Variants in PCDHGB6 observed in about 807,000 individuals in gnomAD.
PCDHGB6 encodes the protein protocadherin gamma-B6.
A neutral mutation model predicts 59.1 loss-of-function variants in PCDHGB6; 51 were observed. The ratio of observed to expected loss-of-function variants is 0.86; its 90% CI spans 0.69 to 1.09. The LOEUF is 1.09. Ranked by LOEUF, PCDHGB6 falls within the 50% of genes least tolerant of loss-of-function variation. The probability of loss-of-function intolerance (pLI) is 0.00; values close to 1 mark genes in which losing one functional copy is unlikely to be tolerated. For missense variants in PCDHGB6, 1,148 were observed against 1,205.1 expected (o/e 0.95, Z 0.70); for synonymous variants, 466 against 495.1 (o/e 0.94, Z 0.78).
In PCDHGB6 at chr5:141,476,089, C is replaced by A; in HGVS notation, c.2419-18718C>A. 1 of 1,560,716 alleles carries A rather than the reference C, an allele frequency of 6.4e-7. No individual in the cohort carries two copies. The highest frequency in any genetic ancestry group is 8.6e-7 in the Non-Finnish European group (1 of 1,158,372). On this transcript the variant is annotated intron_variant, in intron 1 of 3. Coordinates refer to ENST00000520790, the MANE Select transcript of PCDHGB6 (RefSeq NM_018926.3). This position sits in a 1 kb window ranked among gnomAD's most constrained non-coding sequence, Gnocchi z 7.6. ...CGAAATCTCAGGGACGATCTGGACC[C>A]CGCTGAGAGGAACTGCTTTTGAGTG...
Position 141,490,972 on chromosome 5 carries a change from C to G in PCDHGB6, c.2419-3835C>G. 6.2e-7 allele frequency: 1 copy of G among 1,613,912 alleles called. No homozygotes were observed. Among genetic ancestry groups the G allele is most frequent in the Non-Finnish European group, 8.5e-7 (1 of 1,179,922 alleles). Reference sequence around the variant, plus strand: ...AGACTGGGAACACTCAGCCCCCCAGCGTCTCCCTCGCTCTGCTCCTCCTGG... The same window carrying G: ...AGACTGGGAACACTCAGCCCCCCAGGGTCTCCCTCGCTCTGCTCCTCCTGG... On this transcript the variant is annotated intron_variant, in intron 1 of 3. Coordinates refer to ENST00000520790, the MANE Select transcript of PCDHGB6 (RefSeq NM_018926.3). The surrounding 1 kb of genome is among the most constrained non-coding windows in gnomAD (Gnocchi z 5.4).
intron 1 of PCDHGB6, chr5:141,422,970 C>T (rs1348343583): frequency 1.2e-6 from 2 of 1,614,246 alleles, no homozygotes; most frequent in East Asian, 2.2e-5. Flanking sequence ...TGGCGCCCCG[C>T]TCTGCGGAAC....
In PCDHGB6 at chr5:141,431,317, C is replaced by G; in HGVS notation, c.2418+20697C>G. 2 of 1,614,082 alleles carry G rather than the reference C, an allele frequency of 1.2e-6. No homozygotes were observed. The highest frequency in any genetic ancestry group is 1.7e-6 in the Non-Finnish European group (2 of 1,180,038). On this transcript the variant is annotated intron_variant, in intron 1 of 3. Transcript: ENST00000520790. The surrounding 1 kb of genome is among the most constrained non-coding windows in gnomAD (Gnocchi z 4.8). ...TCTCCCTCATCGTGCAAAATGGAGC[C>G]GACGGTAGTAAGTACCCCGAATTGG...
In PCDHGB6 at chr5:141,410,254, C is replaced by T; in HGVS notation, c.2052C>T (p.Pro684=). The change falls in exon 1 of 4, where the codon CCC becomes CCT. Residue 684 remains proline (P), a synonymous_variant. Coordinates refer to ENST00000520790, the MANE Select transcript of PCDHGB6 (RefSeq NM_018926.3). ...DLSDRPVLSD[P]QAELQFYLVV... is the part of the protein sequence containing the mutation. ...GCGACCGCCCTGTACTCTCTGACCCCCAGGCTGAACTGCAGTTTTACCTGG... is the reference window on the plus strand; with the variant it reads ...GCGACCGCCCTGTACTCTCTGACCCTCAGGCTGAACTGCAGTTTTACCTGG... 5 of 1,614,020 alleles carry T rather than the reference C, an allele frequency of 3.1e-6. No homozygotes were observed. Among genetic ancestry groups the T allele is most frequent in the Non-Finnish European group, 3.4e-6 (4 of 1,179,904 alleles).
rs2099884413 is a variant in PCDHGB6, at chr5:141,512,781, G to A, written c.*1608G>A. ...CCTTGATCTGCCCGCGGCGGCCCGT[G>A]TTGTGTTTTGTGCTGTGTCCACGCG... is the stretch of plus-strand genomic sequence containing the variant. On this transcript the variant is annotated 3_prime_UTR_variant, in exon 4 of 4. Transcript: ENST00000520790. 1 of 152,534 alleles carries A rather than the reference G, an allele frequency of 6.6e-6. No individual in the cohort carries two copies. Among genetic ancestry groups the A allele is most frequent in the African/African-American group, 2.4e-5 (1 of 41,444 alleles). 9.4% of individuals were successfully genotyped at this position (152,534 alleles called of 1,614,324 possible). A position where few individuals can be genotyped will look rare whatever the true frequency, so the allele number is the denominator to read the frequency against.
chr5:141,458,386 G>T (rs1037969327), intron 1 of PCDHGB6, among the ~76,000 whole-genome samples: 2 of 152,070 alleles, frequency 1.3e-5, no homozygotes, highest in African/African-American at 2.4e-5. Flanking sequence ...GAAGGAAGAC[G>T]CTCCCCCTTG....
intron 1 of PCDHGB6, among the ~76,000 whole-genome samples, chr5:141,472,742 T>C (rs926507203): frequency 2.0e-5 from 3 of 151,762 alleles, no homozygotes; most frequent in Non-Finnish European, 4.4e-5. Flanking sequence ...TCCCAGCACT[T>C]TGGGAGGCGG....
At chr5:141,418,115 G>C in intron 1 of PCDHGB6, 1 of 1,614,098 alleles carries the variant, frequency 6.2e-7, no homozygotes, top group South Asian at 1.1e-5. Context: ...GGACTTACTT[G>C]TGAAGGACCG....
Position 141,409,769 on chromosome 5 carries a change from G to T in PCDHGB6, c.1567G>T (p.Glu523Ter), listed in dbSNP as rs1413636372. 3 of 1,612,776 alleles carry T rather than the reference G, an allele frequency of 1.9e-6. No homozygotes were observed. Among genetic ancestry groups the T allele is most frequent in the Middle Eastern group, 1.7e-4 (1 of 6,034 alleles). ...VVFAQRAFDH[E>*]QLRAFALTLQ... ...GTTCGCGCAGCGCGCCTTTGATCAC[G>T]AGCAGCTGCGCGCCTTCGCGCTCAC... Residue 523 changes from glutamate (E) to a stop codon, truncating the protein, a stop_gained, in exon 1 of 4, where the codon GAG becomes TAG. Transcript: ENST00000520790. LOFTEE classifies it high-confidence loss of function.
At chr5:141,509,169 T>C (rs1321257504) in intron 3 of PCDHGB6, among the ~76,000 whole-genome samples, 2 of 152,174 alleles carry the variant, frequency 1.3e-5, no homozygotes, top group African/African-American at 4.8e-5. Context: ...TGTGCCCTCC[T>C]CCTCTTATGC....
chr5:141,424,391 C>T (rs2096818270), intron 1 of PCDHGB6: 1 of 152,106 alleles, frequency 6.6e-6, no homozygotes, highest in South Asian at 2.1e-4. Flanking sequence ...GATGTCTTTT[C>T]CATTACTATG....
chr5:141,470,035 G>A lies in PCDHGB6; in HGVS notation c.2419-24772G>A, dbSNP rs761812438. ...TCCCAGCTACTCGGGATGCTGAGGC[G>A]CGAGAACTGTTTGAACCCCGGAGGC... On this transcript the variant is annotated intron_variant, in intron 1 of 3. Transcript: ENST00000520790. Among the ~76,000 whole-genome samples, 97 of 152,224 alleles carry A rather than the reference G, an allele frequency of 6.4e-4. 2 individuals carry two copies. Among genetic ancestry groups the A allele is most frequent in the East Asian group, 1.2e-3 (6 of 5,170 alleles).
intron 1 of PCDHGB6, among the ~76,000 whole-genome samples, chr5:141,455,243 A>G (rs945218710): frequency 1.3e-5 from 2 of 152,146 alleles, no homozygotes; most frequent in Non-Finnish European, 2.9e-5. Flanking sequence ...GTTAAAGGTC[A>G]TAGTACAATC....
chr5:141,505,676 C>A (rs1308943385), intron 3 of PCDHGB6, among the ~76,000 whole-genome samples, 195 bp downstream of exon 3: 1 of 152,060 alleles, frequency 6.6e-6, no homozygotes, highest in South Asian at 2.1e-4. Context: ...GGTTGGGGGT[C>A]CTGGGATGCC....
chr5:141,414,498 C>CT (rs748856262), intron 1 of PCDHGB6: 40 of 1,613,848 alleles, frequency 2.5e-5, no homozygotes, highest in Non-Finnish European at 3.3e-5. Context: ...CGGAAGCTCA[C>CT]TTTATGCTAC....
Position 141,447,812 on chromosome 5 carries a change from G to A in PCDHGB6, c.2418+37192G>A, listed in dbSNP as rs557330895. 5.4e-4 allele frequency among the ~76,000 whole-genome samples: 82 copies of A among 152,254 alleles called. 1 individual carries two copies. The highest frequency in any genetic ancestry group is 1.3e-3 in the Admixed American group (20 of 15,294). On this transcript the variant is annotated intron_variant, in intron 1 of 3. Coordinates refer to ENST00000520790, the MANE Select transcript of PCDHGB6 (RefSeq NM_018926.3). ...TTTAAGAAAATAAAATTGGCTGGGC[G>A]TGGTGGCTCACGCCTGTAATCCCAG...
chr5:141,410,068 C>T lies in PCDHGB6; in HGVS notation c.1866C>T (p.Arg622=), dbSNP rs2095353806. 1 of 1,612,832 alleles carries T rather than the reference C, an allele frequency of 6.2e-7. No homozygotes were observed. Among genetic ancestry groups the T allele is most frequent in the Non-Finnish European group, 8.5e-7 (1 of 1,179,736 alleles). The change falls in exon 1 of 4, where the codon CGC becomes CGT. Residue 622 remains arginine (R), a synonymous_variant. Coordinates refer to ENST00000520790, the MANE Select transcript of PCDHGB6 (RefSeq NM_018926.3). The part of the protein sequence containing the change: ...SEPGLFSLGL[R]TGEVRTARAL... Reference sequence around the variant, plus strand: ...CCGGACTCTTCAGCCTGGGGCTGCGCACTGGGGAGGTGCGCACGGCTCGAG... The same window carrying T: ...CCGGACTCTTCAGCCTGGGGCTGCGTACTGGGGAGGTGCGCACGGCTCGAG...
rs1388608588 is a variant in PCDHGB6 at position 141,481,102 on chromosome 5, A to T, written c.2419-13705A>T. The stretch of plus-strand genomic sequence containing the variant: ...GAAAAAAGAAAAGCAGTACTCTGGA[A>T]CCTACCAATCCATCATTTAGCATAT... On this transcript the variant is annotated intron_variant, in intron 1 of 3. Transcript: ENST00000520790. 3.3e-5 allele frequency among the ~76,000 whole-genome samples: 5 copies of T among 152,288 alleles called. No individual in the cohort carries two copies. The East Asian group carries it at 7.7e-4, about 24-fold the overall frequency.
chr5:141,419,322 C>T lies in PCDHGB6; in HGVS notation c.2418+8702C>T, dbSNP rs370480327. The stretch of plus-strand genomic sequence containing the variant: ...GACTTCGGGCTCAACGGCCGTGTCT[C>T]CTACTCTCTCATTGCCAGCGACCTG... On this transcript the variant is annotated intron_variant, in intron 1 of 3. Transcript: ENST00000520790. 164 of 1,613,852 alleles carry T rather than the reference C, an allele frequency of 1.0e-4. No individual in the cohort carries two copies. Among genetic ancestry groups the T allele is most frequent in the Non-Finnish European group, 1.3e-4 (153 of 1,179,898 alleles).
Sources: gnomAD v4.1 joint callset for allele counts (sites outside exome capture counted in the v4.1 genomes callset) on GRCh38, gnomAD v4.1.1 for gene constraint, Gnocchi (gnomAD v3.1) non-coding constraint, MANE v1.5 for transcripts, NCBI Gene and HGNC (gene_info 2026-07-23, HGNC 2026-07-21) for gene names.